Variants in ABCA5 observed in about 807,000 individuals in gnomAD.
ABCA5 encodes cholesterol transporter ABCA5.
In ABCA5, 163 loss-of-function variants were observed where a neutral mutation model predicts 206.0. That is an observed-to-expected ratio of 0.79 (90% CI 0.70 to 0.90). ABCA5 has a LOEUF of 0.90. Among genes scored for constraint, ABCA5 ranks in the 40% least tolerant of loss-of-function variants. ABCA5 has a pLI of 0.00. For missense variants in ABCA5, 1,859 were observed against 1,912.9 expected (o/e 0.97, Z 0.53); for synonymous variants, 609 against 613.8 (o/e 0.99, Z 0.11).
rs2075787806 is a variant in ABCA5 at position 69,313,308 on chromosome 17, G to T, written c.103-12C>A. ...GGAAAAAGAATTTCCTACAATAAAA[G>T]AAACAAAGTAATTACAAAGTATAAC... is the stretch of plus-strand genomic sequence containing the variant. On this transcript the variant is annotated splice_polypyrimidine_tract_variant and intron_variant, in intron 2 of 38. Transcript: ENST00000392676. 1.6e-6 allele frequency: 2 copies of T among 1,232,732 alleles called. No individual in the cohort carries two copies. The highest frequency in any genetic ancestry group is 4.8e-5 in the Admixed American group (2 of 41,994). The allele number at this position is 1,232,732 out of a possible 1,614,324, so 76.4% of individuals were successfully genotyped here.
chr17:69,248,690 C>T (rs1461496713), intron 37 of ABCA5: 24 of 169,904 alleles, frequency 1.4e-4, no homozygotes. Flanking sequence ...GTCCTATCTC[C>T]ATAAACCTTT....
At chr17:69,258,010 G>GT in intron 28 of ABCA5, among the ~76,000 whole-genome samples, 1 of 152,130 alleles carries the variant, frequency 6.6e-6, no homozygotes, top group South Asian at 2.1e-4. Flanking sequence ...GAAGTAGGAA[G>GT]TAAGATAAGG....
chr17:69,308,249 G>A, intron 5 of ABCA5, 31 bp downstream of exon 5: 2 of 1,383,452 alleles, frequency 1.4e-6, no homozygotes, highest in Non-Finnish European at 2.0e-6. Flanking sequence ...AAATGGCATA[G>A]TTTTTGTATT....
At chr17:69,275,185 G>A (rs1352861798) in intron 19 of ABCA5, among the ~76,000 whole-genome samples, 2 of 152,114 alleles carry the variant, frequency 1.3e-5, no homozygotes, top group Non-Finnish European at 2.9e-5. Flanking sequence ...TTTAGATATA[G>A]AGAAGCAAAT....
At chr17:69,312,137 C>T (rs1477037612) in intron 3 of ABCA5, among the ~76,000 whole-genome samples, 1 of 152,164 alleles carries the variant, frequency 6.6e-6, no homozygotes, top group Non-Finnish European at 1.5e-5. Context: ...TCATTTTCTA[C>T]AATTTAGCAC....
intron 18 of ABCA5, among the ~76,000 whole-genome samples, chr17:69,281,571 G>A (rs1452558216): frequency 6.6e-6 from 1 of 152,086 alleles, no homozygotes; most frequent in African/African-American, 2.4e-5. Context: ...CTTTGATCCA[G>A]ACATAATAAC....
intron 8 of ABCA5, 64 bp from the exon 9 acceptor site, chr17:69,301,350 A>C (rs370531742): frequency 4.3e-6 from 6 of 1,405,184 alleles, no homozygotes; most frequent in East Asian, 4.9e-5. Context: ...AGCTAACACT[A>C]CTTAAGAGTT....
Position 69,284,034 on chromosome 17 carries a change from C to A in ABCA5, c.2311G>T (p.Val771Phe). The A allele has an allele frequency of 6.2e-7, 1 of 1,605,858 alleles. No homozygotes were observed. The highest frequency in any genetic ancestry group is 2.3e-5 in the East Asian group (1 of 44,314). ...GTCATGGAAACACCATAAGAAATGA[C>A]ACCCAAATTTGAATGACTGTCTAGG... ...SALDSHSNLG[V>F]ISYGVSMTTL... The change falls in exon 18 of 39, where the codon GTC (valine) becomes TTC (phenylalanine). Residue 771 changes from valine (V) to phenylalanine (F), a missense_variant. Val to Phe is a conservative substitution (Grantham distance 50). Coordinates refer to ENST00000392676, the MANE Select transcript of ABCA5 (RefSeq NM_172232.4).
intron 18 of ABCA5, among the ~76,000 whole-genome samples, chr17:69,282,488 C>T (rs978814811): frequency 3.3e-5 from 5 of 152,064 alleles, no homozygotes; most frequent in South Asian, 2.1e-4. Context: ...ATTCATGCCT[C>T]GGCCGGGCGC....
chr17:69,287,528 T>C (rs1567768083), intron 15 of ABCA5, 85 bp downstream of exon 15: 2 of 1,470,608 alleles, frequency 1.4e-6, no homozygotes, highest in East Asian at 4.8e-5. Context: ...AGCTTCTCTA[T>C]TTATACCTCA....
At position 69,291,334 on chromosome 17, in the gene ABCA5, A is replaced by G. The variant is rs751276662; in HGVS notation, c.1496-8T>C. On this transcript the variant is annotated splice_polypyrimidine_tract_variant and splice_region_variant and intron_variant, in intron 11 of 38. Transcript: ENST00000392676. ...ATATGTCAAATGACAAATCTAGTTC[A>G]GGAAAAAAGAAGACTCAAATGTAAT... is the stretch of plus-strand genomic sequence containing the variant. The G allele has an allele frequency of 2.5e-5, 38 of 1,547,650 alleles. No homozygotes were observed. The South Asian group carries it at 3.9e-4, about 16-fold the overall frequency.
At chr17:69,306,390 C>T (rs2075716979) in intron 6 of ABCA5, among the ~76,000 whole-genome samples, 1 of 152,024 alleles carries the variant, frequency 6.6e-6, no homozygotes, top group African/African-American at 2.4e-5. Context: ...TTCACATTTC[C>T]TGAACTCTGA....
At chr17:69,278,424 G>T (rs980370063) in intron 18 of ABCA5, among the ~76,000 whole-genome samples, 5 of 152,058 alleles carry the variant, frequency 3.3e-5, no homozygotes, top group African/African-American at 4.8e-5. Flanking sequence ...TCCTCTCCTG[G>T]CTTTACATTA....
chr17:69,274,975 G>A (rs954877303), intron 19 of ABCA5, among the ~76,000 whole-genome samples: 5 of 150,152 alleles, frequency 3.3e-5, no homozygotes, highest in Non-Finnish European at 7.4e-5. Flanking sequence ...TCCCAAGTAG[G>A]TGGGACGACT....
chr17:69,261,527 T>C (rs1047200008), intron 25 of ABCA5, 108 bp downstream of exon 25: 3 of 640,402 alleles, frequency 4.7e-6, no homozygotes, highest in Non-Finnish European at 7.8e-6. Context: ...ATTACCTATC[T>C]AAATTATTCA....
chr17:69,273,950 C>T lies in ABCA5; in HGVS notation c.2764+9G>A, dbSNP rs756231331. 6.3e-7 allele frequency: 1 copy of T among 1,597,124 alleles called. No individual in the cohort carries two copies. ...CAACACTCGTTCACAGACCTTCACA[C>T]ACTCTCACCAGCAGAATTTTGAAGA... On this transcript the variant is annotated intron_variant, in intron 20 of 38. Coordinates refer to ENST00000392676, the MANE Select transcript of ABCA5 (RefSeq NM_172232.4).
chr17:69,325,287 T>C (rs1418633381), intron 1 of ABCA5, among the ~76,000 whole-genome samples: 1 of 150,322 alleles, frequency 6.7e-6, no homozygotes, highest in Non-Finnish European at 1.5e-5. Flanking sequence ...TCATCCTGGG[T>C]GACAGAATGA....
chr17:69,265,717 C>G (rs1259441193), intron 23 of ABCA5, among the ~76,000 whole-genome samples: 2 of 151,900 alleles, frequency 1.3e-5, no homozygotes, highest in Non-Finnish European at 2.9e-5. Context: ...GTTTTCTGTT[C>G]AATGAATTAT....
chr17:69,325,463 A>T (rs1598215892), intron 1 of ABCA5, among the ~76,000 whole-genome samples: 1 of 152,356 alleles, frequency 6.6e-6, no homozygotes, highest in South Asian at 2.1e-4. Context: ...GCTTGCCCTT[A>T]AAACTATTTT....
Sources: gnomAD v4.1 joint callset for allele counts (sites outside exome capture counted in the v4.1 genomes callset) on GRCh38, gnomAD v4.1.1 for gene constraint, MANE v1.5 for transcripts, NCBI Gene and HGNC (gene_info 2026-07-23, HGNC 2026-07-21) for gene names.